The following MALRD1 variants were observed in gnomAD, a reference collection of about 807,000 sequenced individuals.
The protein encoded by MALRD1 is MAM and LDL receptor class A domain containing 1.
In MALRD1, 247 loss-of-function variants were observed where a neutral mutation model predicts 242.1. The observed-to-expected ratio is 1.02, with a 90% CI of 0.92 to 1.13. The LOEUF is 1.13. Among genes scored for constraint, MALRD1 ranks in the 50% most tolerant of loss-of-function variants. The pLI, the probability that MALRD1 is intolerant of heterozygous loss-of-function variation, is 0.00. For synonymous variants in MALRD1, 995 were observed against 866.6 expected (o/e 1.15, Z -2.60); for missense variants, 2,989 against 2,533.1 (o/e 1.18, Z -3.86).
chr10:19,160,713 G>T (rs1301022463), intron 12 of MALRD1, among the ~76,000 whole-genome samples: 3 of 70,946 alleles, frequency 4.2e-5, no homozygotes, highest in Non-Finnish European at 2.8e-5. Flanking sequence ...GTCGAGGAAT[G>T]TATCCATTTC....
chr10:19,347,505 T>G (rs1284579502), intron 24 of MALRD1, among the ~76,000 whole-genome samples: 2 of 152,078 alleles, frequency 1.3e-5, no homozygotes, highest in East Asian at 3.9e-4. Context: ...AATAGGTATT[T>G]AGAGAAGGAA....
chr10:19,238,366 T>C (rs1588754131), intron 18 of MALRD1, among the ~76,000 whole-genome samples: 3 of 80,204 alleles, frequency 3.7e-5, no homozygotes, highest in South Asian at 4.4e-4. Flanking sequence ...TAATACATAA[T>C]ATATATTATA....
intron 21 of MALRD1, among the ~76,000 whole-genome samples, chr10:19,317,440 G>T (rs951089963): frequency 8.6e-5 from 13 of 151,942 alleles, no homozygotes; most frequent in Non-Finnish European, 1.8e-4. Flanking sequence ...TTGGGGTATG[G>T]ACTCTAAACA....
At chr10:19,370,063 T>G (rs73593885) in intron 26 of MALRD1, among the ~76,000 whole-genome samples, 6,199 of 152,204 alleles carry the variant, frequency 0.041, 211 homozygotes, top group African/African-American at 0.092. Flanking sequence ...CTCTGATTCA[T>G]CATGAATTAA....
chr10:19,279,333 C>CT (rs1840694143), intron 19 of MALRD1, among the ~76,000 whole-genome samples: 1 of 152,186 alleles, frequency 6.6e-6, no homozygotes, highest in African/African-American at 2.4e-5. Context: ...GGGGCTCACA[C>CT]AACCCGTTCT....
chr10:19,298,464 A>T (rs1420450658), intron 21 of MALRD1, among the ~76,000 whole-genome samples: 1 of 152,032 alleles, frequency 6.6e-6, no homozygotes, highest in East Asian at 1.9e-4. Flanking sequence ...ATAGGAAAGG[A>T]AACAAGGGGA....
chr10:19,614,818 G>T (rs1246148950), intron 35 of MALRD1, among the ~76,000 whole-genome samples: 2 of 152,074 alleles, frequency 1.3e-5, no homozygotes, highest in Non-Finnish European at 2.9e-5. Flanking sequence ...GATCGTGGAT[G>T]CAGAGGTAGG....
intron 18 of MALRD1, among the ~76,000 whole-genome samples, chr10:19,235,327 G>A (rs994630473): frequency 6.6e-6 from 1 of 151,878 alleles, no homozygotes; most frequent in Non-Finnish European, 1.5e-5. Context: ...GTATGAAATG[G>A]TATCTCATTG....
intron 19 of MALRD1, among the ~76,000 whole-genome samples, chr10:19,263,816 A>G (rs1446183575): frequency 6.6e-6 from 1 of 152,136 alleles, no homozygotes; most frequent in Non-Finnish European, 1.5e-5. Flanking sequence ...TGCAAGTACC[A>G]TGATGTTGTG....
intron 28 of MALRD1, among the ~76,000 whole-genome samples, chr10:19,390,087 C>T (rs1194997103): frequency 6.6e-6 from 1 of 152,130 alleles, no homozygotes; most frequent in Admixed American, 6.5e-5. Flanking sequence ...GACATGAGAA[C>T]CAGCTTTGAG....
At chr10:19,565,355 A>G (rs1410515871) in intron 32 of MALRD1, among the ~76,000 whole-genome samples, 1 of 152,160 alleles carries the variant, frequency 6.6e-6, no homozygotes, top group Non-Finnish European at 1.5e-5. Flanking sequence ...TAGACACATT[A>G]ATAAATAAAT....
intron 36 of MALRD1, among the ~76,000 whole-genome samples, chr10:19,625,451 A>C (rs1839610752): frequency 6.6e-6 from 1 of 152,040 alleles, no homozygotes; most frequent in Non-Finnish European, 1.5e-5. Flanking sequence ...TTAATGTAGA[A>C]TATCCTCTCT....
chr10:19,620,843 G>A (rs1290920257), intron 36 of MALRD1, among the ~76,000 whole-genome samples: 1 of 151,898 alleles, frequency 6.6e-6, no homozygotes, highest in Non-Finnish European at 1.5e-5. Flanking sequence ...ATTGAAATAT[G>A]AGAAAATGAC....
chr10:19,382,378 G>C (rs1042904807), intron 26 of MALRD1, among the ~76,000 whole-genome samples: 2 of 148,866 alleles, frequency 1.3e-5, no homozygotes, highest in African/African-American at 5.0e-5. Flanking sequence ...GTGTGTGCAT[G>C]TGTGTCTTAG....
intron 35 of MALRD1, among the ~76,000 whole-genome samples, chr10:19,612,249 T>G (rs950593877): frequency 6.6e-6 from 1 of 151,944 alleles, no homozygotes; most frequent in Non-Finnish European, 1.5e-5. Flanking sequence ...GCAAATTCCT[T>G]ATTTGTAAAG....
At chr10:19,408,408 G>A (rs140363955) in intron 28 of MALRD1, among the ~76,000 whole-genome samples, 16 of 152,254 alleles carry the variant, frequency 1.1e-4, no homozygotes, top group South Asian at 1.0e-3. Context: ...CTCTTCATAA[G>A]CACATTCTAG....
chr10:19,530,421 A>AT lies in MALRD1; in HGVS notation c.5321-773_5321-772insT, dbSNP rs57021132. On this transcript the variant is annotated intron_variant, in intron 31 of 39. Coordinates refer to ENST00000454679, the MANE Select transcript of MALRD1 (RefSeq NM_001142308.3). ...AAATATTATATATTTATATAATAAT[A>AT]AATATATAATATATATAATATATAA... 5.4e-3 allele frequency among the ~76,000 whole-genome samples: 106 copies of AT among 19,502 alleles called. 2 individuals are homozygous for AT. The highest frequency in any genetic ancestry group is 0.015 in the African/African-American group (98 of 6,732). 12.8% of individuals were successfully genotyped at this position (19,502 alleles called of 152,430 possible). A position where few individuals can be genotyped will look rare whatever the true frequency, so the allele number is the denominator to read the frequency against.
chr10:19,253,885 T>C (rs1331009046), intron 18 of MALRD1, among the ~76,000 whole-genome samples: 1 of 151,980 alleles, frequency 6.6e-6, no homozygotes, highest in African/African-American at 2.4e-5. Context: ...ATACTCACCA[T>C]GGGTCAAGGG....
chr10:19,165,056 C>T (rs1025080149), intron 12 of MALRD1, among the ~76,000 whole-genome samples: 1 of 151,096 alleles, frequency 6.6e-6, no homozygotes, highest in Non-Finnish European at 1.5e-5. Flanking sequence ...TTTGAAACAT[C>T]AAGTATGTAT....
Sources: gnomAD v4.1 joint callset for allele counts (sites outside exome capture counted in the v4.1 genomes callset) on GRCh38, gnomAD v4.1.1 for gene constraint, MANE v1.5 for transcripts, NCBI Gene and HGNC (gene_info 2026-07-23, HGNC 2026-07-21) for gene names.